Variants in HSPG2 observed in about 807,000 individuals in gnomAD.
HSPG2 encodes heparan sulfate proteoglycan 2.
A neutral mutation model predicts 526.6 loss-of-function variants in HSPG2; 278 were observed. The observed-to-expected ratio is 0.53, with a 90% CI of 0.48 to 0.58. The LOEUF (loss-of-function observed/expected upper bound fraction) is 0.58. Ranked by LOEUF, HSPG2 falls within the 20% of genes least tolerant of loss-of-function variation. HSPG2 has a pLI of 0.00. For missense variants in HSPG2, 5,354 were observed against 6,099.5 expected (o/e 0.88, Z 4.07); for synonymous variants, 2,465 against 2,555.4 (o/e 0.96, Z 1.07).
rs575744546 is a variant in HSPG2, at chr1:21,853,046, C to A, written c.6464G>T (p.Arg2155Leu). Residue 2155 changes from arginine (R) to leucine (L), a missense_variant, in exon 51 of 97, where the codon CGC becomes CTC. Arg to Leu is a moderately radical substitution (Grantham distance 102). Transcript: ENST00000374695. ...CACGTGTGAGGAGGAGGGCTCGATG[C>A]GGATGGGCCGGGTGCTGCCGGGCAC... The part of the protein sequence containing the change: ...TPVPGSTRPI[R>L]IEPSSSHVAE... 6 of 1,613,776 alleles carry A rather than the reference C, an allele frequency of 3.7e-6. No homozygotes were observed. The highest frequency in any genetic ancestry group is 5.1e-6 in the Non-Finnish European group (6 of 1,179,950).
chr1:21,833,177 G>T, intron 80 of HSPG2, 91 bp downstream of exon 80: 1 of 1,070,146 alleles, frequency 9.3e-7, no homozygotes, highest in Non-Finnish European at 1.5e-6. Flanking sequence ...CAGGACTGAG[G>T]GGCAGCCAGG....
chr1:21,902,184 T>C (rs1345215874), intron 1 of HSPG2, among the ~76,000 whole-genome samples: 4 of 152,166 alleles, frequency 2.6e-5, no homozygotes. Context: ...AAAAGGCCTT[T>C]AATCCCCTGG....
chr1:21,829,142 C>T (rs1268355740), intron 87 of HSPG2, 63 bp from the exon 88 acceptor site: 1 of 1,511,578 alleles, frequency 6.6e-7, no homozygotes, highest in Non-Finnish European at 8.8e-7. Context: ...GCCCTCTCCA[C>T]CACAAACAGG....
intron 20 of HSPG2, 32 bp downstream of exon 20, chr1:21,878,401 G>A (rs1156308223): frequency 5.0e-6 from 8 of 1,591,348 alleles, no homozygotes; most frequent in Admixed American, 3.5e-5. Context: ...GTTGGGAGGT[G>A]GGTGTCAGGG....
At chr1:21,907,710 C>T (rs1251511627) in intron 1 of HSPG2, among the ~76,000 whole-genome samples, 6 of 152,240 alleles carry the variant, frequency 3.9e-5, no homozygotes, top group South Asian at 2.1e-4. Context: ...GATGAGGTCT[C>T]GCTATGTTGC....
intron 85 of HSPG2, chr1:21,830,712 A>AAAGG: frequency 2.7e-6 from 1 of 367,998 alleles, no homozygotes; most frequent in Admixed American, 4.2e-5. Flanking sequence ...AAAAAAAAAA[A>AAAGG]GATGGGCTGG....
At chr1:21,896,332 T>C (rs754345936) in intron 1 of HSPG2, 22 bp from the exon 2 acceptor site, 12 of 1,610,450 alleles carry the variant, frequency 7.5e-6, no homozygotes, top group African/African-American at 4.0e-5. Context: ...CGAGAGCTGA[T>C]TGAGTCACTC....
chr1:21,830,054 A>G lies in HSPG2; in HGVS notation c.11709T>C (p.Pro3903=), dbSNP rs1346413670. 3 of 1,604,472 alleles carry G rather than the reference A, an allele frequency of 1.9e-6. No homozygotes were observed. Among genetic ancestry groups the G allele is most frequent in the Non-Finnish European group, 2.5e-6 (3 of 1,176,740 alleles). Reference sequence around the variant, plus strand: ...AGCGGCAGGTGTAGCCTCGACCGTCAGGCCGGTTCACACAGGTGGCGTCGG... The same window carrying G: ...AGCGGCAGGTGTAGCCTCGACCGTCGGGCCGGTTCACACAGGTGGCGTCGG... ...CGPDATCVNR[P]DGRGYTCRCH... The change falls in exon 86 of 97, where the codon CCT becomes CCC. Residue 3903 remains proline (P), a synonymous_variant. Transcript: ENST00000374695.
chr1:21,901,113 C>T (rs1257005103), intron 1 of HSPG2, among the ~76,000 whole-genome samples: 4 of 152,082 alleles, frequency 2.6e-5, no homozygotes, highest in African/African-American at 9.7e-5. Flanking sequence ...ATTCTGAATT[C>T]CAGAACACAT....
At position 21,829,990 on chromosome 1, in the gene HSPG2, C is replaced by A; in HGVS notation, c.11770+3G>T. ...TGGGGGTCTCAGGCCTGGCTCCCCTCACCTTCCTCACACCGCAACCCCGAG... is the reference window on the plus strand; with the variant it reads ...TGGGGGTCTCAGGCCTGGCTCCCCTAACCTTCCTCACACCGCAACCCCGAG... On this transcript the variant is annotated splice_donor_region_variant and intron_variant, in intron 86 of 96. Transcript: ENST00000374695. 1 of 1,604,780 alleles carries A rather than the reference C, an allele frequency of 6.2e-7. No individual in the cohort carries two copies. The highest frequency in any genetic ancestry group is 8.5e-7 in the Non-Finnish European group (1 of 1,176,316).
At position 21,852,149 on chromosome 1, in the gene HSPG2, C is replaced by T. The variant is rs770476301; in HGVS notation, c.6809G>A (p.Gly2270Glu). The change falls in exon 53 of 97, where the codon GGG becomes GAG. Residue 2270 changes from glycine (G) to glutamate (E), a missense_variant. Physicochemically the swap from Gly to Glu is moderately conservative, Grantham distance 98. Transcript: ENST00000374695. ...QTLDLSCVVA[G>E]QAHAQVTWYK... The stretch of plus-strand genomic sequence containing the variant: ...CCATGTGACCTGGGCGTGGGCCTGC[C>T]CTGCCACCACGCAGCTCAGATCCAG... 1 of 1,613,916 alleles carries T rather than the reference C, an allele frequency of 6.2e-7. No homozygotes were observed. Among genetic ancestry groups the T allele is most frequent in the Non-Finnish European group, 8.5e-7 (1 of 1,180,030 alleles).
intron 81 of HSPG2, 61 bp downstream of exon 81, chr1:21,832,434 A>C: frequency 7.3e-7 from 1 of 1,367,166 alleles, no homozygotes; most frequent in Non-Finnish European, 1.0e-6. Context: ...CCAGGGTAGC[A>C]CTTGCCAGAC....
chr1:21,830,850 A>C (rs2098000552), intron 85 of HSPG2, 132 bp downstream of exon 85: 1 of 662,496 alleles, frequency 1.5e-6, no homozygotes, highest in South Asian at 1.7e-5. Context: ...ACATGGGAGG[A>C]GTGGAGAGTG....
intron 13 of HSPG2, among the ~76,000 whole-genome samples, chr1:21,881,956 A>C (rs1211082012): frequency 6.6e-6 from 1 of 151,612 alleles, no homozygotes; most frequent in African/African-American, 2.4e-5. Flanking sequence ...AAAAAAAAAA[A>C]AAAAAAAAGA....
In HSPG2 at chr1:21,887,543, A is replaced by T. The variant is rs561412593; in HGVS notation, c.835T>A (p.Ser279Thr). The T allele has an allele frequency of 1.4e-4, 218 of 1,614,104 alleles. 2 individuals carry two copies. In the South Asian group the frequency reaches 2.3e-3, roughly 17 times the overall value. The change falls in exon 8 of 97, where the codon TCC (serine) becomes ACC (threonine). Residue 279 changes from serine to threonine, a missense_variant. By Grantham distance (58) the Ser-to-Thr change is moderately conservative (BLOSUM62 1). Coordinates refer to ENST00000374695, the MANE Select transcript of HSPG2 (RefSeq NM_005529.7). This position sits in a 1 kb window ranked among gnomAD's most constrained non-coding sequence, Gnocchi z 5.0. Reference protein sequence around the residue: ...THAPQPLLPGSVRPLPCGPQE... With the variant: ...THAPQPLLPGTVRPLPCGPQE... ...GGCCCACAGGGCAGGGGCCTGACGG[A>T]ACCGGGAAGCAGGGGCTGAGGAGCG... is the stretch of plus-strand genomic sequence containing the variant.
rs1296804094 is a variant in HSPG2, at chr1:21,854,883, G to A, written c.6098C>T (p.Thr2033Ile). The A allele has an allele frequency of 3.7e-6, 6 of 1,614,160 alleles. No homozygotes were observed. Among genetic ancestry groups the A allele is most frequent in the East Asian group, 4.5e-5 (2 of 44,882 alleles). The change falls in exon 48 of 97, where the codon ACT becomes ATT. Residue 2033 changes from threonine to isoleucine, a missense_variant. By Grantham distance (89) the Thr-to-Ile change is moderately conservative. Coordinates refer to ENST00000374695, the MANE Select transcript of HSPG2 (RefSeq NM_005529.7). ...AACCACTTGGATCCGGGCCTGGGCA[G>A]TGCCTGCAGGGCTGGTGGCCACGCA... ...YLCVATSPAG[T>I]AQARIQVVVL...
chr1:21,833,731 G>C, intron 78 of HSPG2, 85 bp downstream of exon 78: 1 of 1,543,464 alleles, frequency 6.5e-7, no homozygotes, highest in Non-Finnish European at 8.9e-7. Context: ...GGCCAAGCCT[G>C]TGCCACATCC....
intron 1 of HSPG2, among the ~76,000 whole-genome samples, chr1:21,928,012 T>C (rs527301101): frequency 1.3e-5 from 2 of 152,354 alleles, no homozygotes; most frequent in African/African-American, 4.8e-5. Context: ...GATTGTCAAA[T>C]ACCTGCCACA....
intron 1 of HSPG2, among the ~76,000 whole-genome samples, chr1:21,921,298 G>T (rs1007117726): frequency 2.0e-5 from 3 of 152,140 alleles, no homozygotes; most frequent in Non-Finnish European, 4.4e-5. Flanking sequence ...GTCTGAGCCT[G>T]GGAGAGGAGG....
Sources: gnomAD v4.1 joint callset for allele counts (sites outside exome capture counted in the v4.1 genomes callset) on GRCh38, gnomAD v4.1.1 for gene constraint, Gnocchi (gnomAD v3.1) non-coding constraint, MANE v1.5 for transcripts, NCBI Gene and HGNC (gene_info 2026-07-23, HGNC 2026-07-21) for gene names.